RUFY3: variants seen among roughly 807,000 people sequenced by gnomAD.
RUFY3 encodes the protein protein RUFY3.
A neutral mutation model predicts 84.0 loss-of-function variants in RUFY3; 34 were observed. The observed-to-expected ratio is 0.40, with a 90% CI of 0.31 to 0.54. The LOEUF is 0.54. Among genes scored for constraint, RUFY3 ranks in the 20% least tolerant of loss-of-function variants. RUFY3 has a pLI of 0.39. For missense variants in RUFY3, 507 were observed against 736.8 expected, an observed-to-expected ratio of 0.69 and a Z score of 3.61; for synonymous variants, 242 against 252.9, an observed-to-expected ratio of 0.96 and a Z score of 0.41.
chr4:70,730,750 T>A (rs1719119373), intron 1 of RUFY3, among the ~76,000 whole-genome samples: 1 of 151,392 alleles, frequency 6.6e-6, no homozygotes, highest in African/African-American at 2.4e-5. Flanking sequence ...TCTCAAAAAT[T>A]AAAAAAAGTA....
chr4:70,717,790 G>A (rs1030788972), upstream of RUFY3, among the ~76,000 whole-genome samples: 3 of 151,426 alleles, frequency 2.0e-5, no homozygotes, highest in Admixed American at 1.3e-4. Flanking sequence ...GGCCAGTTAC[G>A]TGGCTGAACT....
At chr4:70,734,252 A>G (rs1487934859) in intron 1 of RUFY3, 4 of 267,874 alleles carry the variant, frequency 1.5e-5, no homozygotes, top group Non-Finnish European at 2.3e-5. Context: ...TTCCTTTCCT[A>G]AGTGTTTGGA....
chr4:70,780,307 G>GT (rs1728695787), intron 8 of RUFY3, among the ~76,000 whole-genome samples: 1 of 151,512 alleles, frequency 6.6e-6, no homozygotes, highest in Non-Finnish European at 1.5e-5. Flanking sequence ...TTTGTTTTTT[G>GT]TTTTTTGAGA....
chr4:70,731,249 G>C (rs1490012390), intron 1 of RUFY3, among the ~76,000 whole-genome samples: 5 of 151,970 alleles, frequency 3.3e-5, no homozygotes, highest in Non-Finnish European at 7.4e-5. Context: ...GTTGGCCTAG[G>C]CTTGTCTTGA....
chr4:70,775,887 A>G (rs1026724397), intron 7 of RUFY3, among the ~76,000 whole-genome samples: 24 of 148,406 alleles, frequency 1.6e-4, no homozygotes, highest in African/African-American at 5.8e-4. Context: ...GCTGCAGTGA[A>G]CCCTGGTCTT....
At chr4:70,732,682 T>G (rs1719476117) in intron 1 of RUFY3, among the ~76,000 whole-genome samples, 1 of 151,068 alleles carries the variant, frequency 6.6e-6, no homozygotes, top group African/African-American at 2.4e-5. Flanking sequence ...CCGCATGTTC[T>G]CACTCATAAG....
rs549090856 is a variant in RUFY3 at position 70,725,476 on chromosome 4, A to G, written c.178+2725A>G. Among the ~76,000 whole-genome samples the G allele has an allele frequency of 2.8e-3, 422 of 152,138 alleles. 4 individuals are homozygous for G. Among genetic ancestry groups the G allele is most frequent in the African/African-American group, 9.2e-3 (381 of 41,500 alleles). On this transcript the variant is annotated intron_variant, in intron 1 of 17. Transcript: ENST00000381006. ...CTCCCAAATAGCTGGGATTACAGGCATGCGCCACCACACCCAGCTAATTTT... is the reference window on the plus strand; with the variant it reads ...CTCCCAAATAGCTGGGATTACAGGCGTGCGCCACCACACCCAGCTAATTTT...
chr4:70,750,911 A>C (rs1723034289), intron 1 of RUFY3, among the ~76,000 whole-genome samples: 2 of 152,206 alleles, frequency 1.3e-5, no homozygotes, highest in South Asian at 4.1e-4. Flanking sequence ...TGTAGCATGT[A>C]TCGTAACTTC....
At chr4:70,764,289 TC>T (rs1353130311) in intron 3 of RUFY3, among the ~76,000 whole-genome samples, 185 bp from the exon 4 acceptor site, 3 of 152,210 alleles carry the variant, frequency 2.0e-5, no homozygotes. Flanking sequence ...AAGCATTTGT[TC>T]CGGGTCACAT....
At chr4:70,744,827 G>A (rs535706196) in intron 1 of RUFY3, among the ~76,000 whole-genome samples, 1 of 151,342 alleles carries the variant, frequency 6.6e-6, no homozygotes, top group Non-Finnish European at 1.5e-5. Context: ...GCTAATTTTT[G>A]CATTTTTAGT....
chr4:70,731,630 C>T (rs1326639302), intron 1 of RUFY3, among the ~76,000 whole-genome samples: 1 of 152,118 alleles, frequency 6.6e-6, no homozygotes, highest in East Asian at 1.9e-4. Context: ...TGCAGTGGCG[C>T]AGTCTCGGCT....
At chr4:70,724,332 T>A (rs1357382817) in intron 1 of RUFY3, among the ~76,000 whole-genome samples, 1 of 152,178 alleles carries the variant, frequency 6.6e-6, no homozygotes, top group Non-Finnish European at 1.5e-5. Context: ...AATTTGAGAG[T>A]TATACAATAT....
chr4:70,757,459 C>T (rs1306362312), intron 1 of RUFY3, among the ~76,000 whole-genome samples: 3 of 152,008 alleles, frequency 2.0e-5, no homozygotes, highest in Admixed American at 2.0e-4. Context: ...ACAAAACTAG[C>T]CGCACGTGGT....
chr4:70,785,826 A>G (rs556174702), intron 10 of RUFY3, among the ~76,000 whole-genome samples: 4 of 152,232 alleles, frequency 2.6e-5, no homozygotes, highest in Admixed American at 2.0e-4. Flanking sequence ...ACAGAGCCAG[A>G]CTCCGTCTCA....
intron 1 of RUFY3, among the ~76,000 whole-genome samples, chr4:70,735,615 C>T (rs763813475): frequency 1.3e-4 from 20 of 151,968 alleles, no homozygotes; most frequent in Non-Finnish European, 2.4e-4. Context: ...CCAAGGCAGG[C>T]GGATTGCTTG....
chr4:70,801,298 T>C (rs1732203121), intron 15 of RUFY3, among the ~76,000 whole-genome samples: 1 of 151,266 alleles, frequency 6.6e-6, no homozygotes, highest in Non-Finnish European at 1.5e-5. Context: ...CATTATACAT[T>C]TGACCACACT....
intron 15 of RUFY3, among the ~76,000 whole-genome samples, 180 bp downstream of exon 15, chr4:70,800,385 C>T (rs981665945): frequency 3.3e-5 from 5 of 152,092 alleles, no homozygotes; most frequent in Admixed American, 6.5e-5. Flanking sequence ...TTAAACCAAA[C>T]CCATTAGGCC....
intron 5 of RUFY3, among the ~76,000 whole-genome samples, chr4:70,769,420 A>C (rs1262018575): frequency 6.6e-6 from 1 of 152,246 alleles, no homozygotes; most frequent in Non-Finnish European, 1.5e-5. Context: ...TAATGTACAT[A>C]CCTTAACTTA....
intron 12 of RUFY3, chr4:70,793,236 A>G (rs1731086133): frequency 2.0e-6 from 2 of 986,302 alleles, no homozygotes; most frequent in Admixed American, 1.2e-4. Context: ...GCTTTTCCTT[A>G]TAGAATAACC....
Sources: allele counts gnomAD v4.1 joint callset (sites outside exome capture counted in the v4.1 genomes callset), GRCh38; gene constraint gnomAD v4.1.1; transcripts MANE v1.5; gene names NCBI Gene and HGNC (gene_info 2026-07-23, HGNC 2026-07-21).